The following ACTL8 variants were observed in gnomAD, a reference collection of about 807,000 sequenced individuals.
ACTL8 encodes the protein actin like 8, also known as actin-like protein 8.
Under a neutral mutation model 9.3 loss-of-function variants are expected in ACTL8, and 3 were observed. The observed-to-expected ratio is 0.32, with a 90% CI of 0.15 to 0.83. ACTL8 has a LOEUF of 0.83. Ranked by LOEUF, ACTL8 falls within the 40% of genes least tolerant of loss-of-function variation. The pLI, the probability that ACTL8 is intolerant of heterozygous loss-of-function variation, is 0.57. For synonymous variants in ACTL8, 224 were observed against 205.9 expected, an observed-to-expected ratio of 1.09 and a Z score of -0.75; for missense variants, 381 against 492.2, an observed-to-expected ratio of 0.77 and a Z score of 2.14.
intron 1 of ACTL8, among the ~76,000 whole-genome samples, chr1:17,759,080 GT>G (rs1478552538): frequency 6.6e-6 from 1 of 152,230 alleles, no homozygotes; most frequent in African/African-American, 2.4e-5. Context: ...ACGCAGTTGT[GT>G]TGTTGTACAG....
At chr1:17,821,616 T>A (rs537192496) in intron 1 of ACTL8, among the ~76,000 whole-genome samples, 1 of 145,260 alleles carries the variant, frequency 6.9e-6, no homozygotes, top group East Asian at 2.2e-4. Context: ...CATGGATCTA[T>A]GTTTGTGACT....
chr1:17,826,645 G>A lies in ACTL8; in HGVS notation c.*126G>A. 2 of 972,584 alleles carry A rather than the reference G, an allele frequency of 2.1e-6. No individual in the cohort carries two copies. Among genetic ancestry groups the A allele is most frequent in the Non-Finnish European group, 2.9e-6 (2 of 691,178 alleles). 60.2% of individuals were successfully genotyped at this position (972,584 alleles called of 1,614,324 possible). ...GGTGAGCTGGCTTTGGAATTCTAGG[G>A]GCATGAGGGTATTTTTTAGGTTCTA... On this transcript the variant is annotated 3_prime_UTR_variant, in exon 3 of 3. Transcript: ENST00000375406. The surrounding 1 kb of genome is among the most constrained non-coding windows in gnomAD (Gnocchi z 4.5).
intron 1 of ACTL8, among the ~76,000 whole-genome samples, chr1:17,788,075 A>G (rs1163492697): frequency 6.6e-6 from 1 of 152,030 alleles, no homozygotes; most frequent in Non-Finnish European, 1.5e-5. Flanking sequence ...TCCTTTGCTC[A>G]TTTCCCCGTT....
At chr1:17,778,632 T>G (rs1391189369) in intron 1 of ACTL8, among the ~76,000 whole-genome samples, 1 of 152,096 alleles carries the variant, frequency 6.6e-6, no homozygotes, top group Non-Finnish European at 1.5e-5. Flanking sequence ...GTACCTTGGA[T>G]TTGCTGTGTG....
rs2065959779 is a variant in ACTL8, at chr1:17,755,360, G to C, written c.-169G>C. 2 of 152,230 alleles carry C rather than the reference G, an allele frequency of 1.3e-5. No homozygotes were observed. The highest frequency in any genetic ancestry group is 4.1e-4 in the South Asian group (2 of 4,830). The allele number at this position is 152,230 out of a possible 1,614,324, so 9.4% of individuals were successfully genotyped here. On this transcript the variant is annotated 5_prime_UTR_variant, in exon 1 of 3. Coordinates refer to ENST00000375406, the MANE Select transcript of ACTL8 (RefSeq NM_030812.3). ...AGAGTAGGCTGCGGCACCACGTGCA[G>C]CCGCTCTCGTGCAGGCGTTTGCAGT...
rs1033496412 is a variant in ACTL8, at chr1:17,798,977, A to G, written c.-24-24008A>G. ...CTCTGTCTGCACTGCTGTGAAGTCCACTCACGAGCGAGCTCTCCACGGATG... is the reference window on the plus strand; with the variant it reads ...CTCTGTCTGCACTGCTGTGAAGTCCGCTCACGAGCGAGCTCTCCACGGATG... On this transcript the variant is annotated intron_variant, in intron 1 of 2. Transcript: ENST00000375406. Among the ~76,000 whole-genome samples, 16 of 152,094 alleles carry G rather than the reference A, an allele frequency of 1.1e-4. 1 individual carries two copies. In the Middle Eastern group the frequency reaches 0.01, roughly 97 times the overall value.
chr1:17,798,724 A>G (rs1179602300), intron 1 of ACTL8, among the ~76,000 whole-genome samples: 1 of 152,150 alleles, frequency 6.6e-6, no homozygotes, highest in East Asian at 1.9e-4. Context: ...TCATTCTACC[A>G]TTTGTCTGGC....
intron 1 of ACTL8, among the ~76,000 whole-genome samples, chr1:17,810,248 G>A (rs973692031): frequency 7.2e-5 from 11 of 152,126 alleles, no homozygotes; most frequent in Admixed American, 3.3e-4. Flanking sequence ...AGTTCAATAC[G>A]TTCTCCAATA....
chr1:17,790,780 C>A (rs561071011), intron 1 of ACTL8, among the ~76,000 whole-genome samples: 2 of 152,214 alleles, frequency 1.3e-5, no homozygotes, highest in African/African-American at 4.8e-5. Flanking sequence ...CAAGGGGCAC[C>A]TGCAGGCCAG....
rs755110447 is a variant in ACTL8, at chr1:17,826,488, G to C, written c.1070G>C (p.Arg357Pro). The C allele has an allele frequency of 3.8e-6, 6 of 1,599,992 alleles. No individual in the cohort carries two copies. The highest frequency in any genetic ancestry group is 5.1e-6 in the Non-Finnish European group (6 of 1,171,480). ...LSTYQSEWMS[R>P]EEYGEHMRM is the part of the protein sequence containing the mutation. ...ACCTACCAGTCTGAGTGGATGTCCC[G>C]AGAGGAGTATGGTGAGCATATGAGG... Residue 357 changes from arginine to proline, a missense_variant, in exon 3 of 3, where the codon CGA becomes CCA. By Grantham distance (103) the Arg-to-Pro change is moderately radical. Coordinates refer to ENST00000375406, the MANE Select transcript of ACTL8 (RefSeq NM_030812.3). This position sits in a 1 kb window ranked among gnomAD's most constrained non-coding sequence, Gnocchi z 4.5.
At chr1:17,825,395 C>G (rs1232834180) in intron 2 of ACTL8, among the ~76,000 whole-genome samples, 3 of 152,032 alleles carry the variant, frequency 2.0e-5, no homozygotes, top group Non-Finnish European at 4.4e-5. Context: ...ATACGCAACA[C>G]TTGTTTCTTT....
At chr1:17,796,765 G>T (rs1380463080) in intron 1 of ACTL8, among the ~76,000 whole-genome samples, 1 of 152,230 alleles carries the variant, frequency 6.6e-6, no homozygotes, top group Non-Finnish European at 1.5e-5. Flanking sequence ...ACCTCTTCAA[G>T]CTTCTTCAGC....
intron 1 of ACTL8, among the ~76,000 whole-genome samples, chr1:17,819,209 T>C (rs2053625038): frequency 6.6e-6 from 1 of 152,214 alleles, no homozygotes; most frequent in African/African-American, 2.4e-5. Context: ...GAGAAGCATT[T>C]ATCAGTCACC....
intron 1 of ACTL8, among the ~76,000 whole-genome samples, chr1:17,786,159 T>C (rs776870080): frequency 2.0e-5 from 3 of 152,208 alleles, no homozygotes; most frequent in Non-Finnish European, 2.9e-5. Context: ...TTCTTCAAGG[T>C]GGACAGGGTG....
chr1:17,776,611 C>T (rs2066119905), intron 1 of ACTL8, among the ~76,000 whole-genome samples: 2 of 152,296 alleles, frequency 1.3e-5, no homozygotes, highest in Admixed American at 1.3e-4. Context: ...CCATATGTTC[C>T]TAATGGCCTC....
intron 2 of ACTL8, among the ~76,000 whole-genome samples, chr1:17,824,409 G>A (rs1315170081): frequency 6.6e-6 from 1 of 152,182 alleles, no homozygotes; most frequent in Non-Finnish European, 1.5e-5. Context: ...TTCCAAACAT[G>A]AAGACAAAAC....
Position 17,826,048 on chromosome 1 carries a change from C to G in ACTL8, c.630C>G (p.Asn210Lys), listed in dbSNP as rs765268296. 2 of 1,606,642 alleles carry G rather than the reference C, an allele frequency of 1.2e-6. No individual in the cohort carries two copies. The highest frequency in any genetic ancestry group is 2.7e-5 in the African/African-American group (2 of 74,950). Residue 210 changes from asparagine to lysine, a missense_variant, in exon 3 of 3, where the codon AAC becomes AAG. Coordinates refer to ENST00000375406, the MANE Select transcript of ACTL8 (RefSeq NM_030812.3). This position sits in a 1 kb window ranked among gnomAD's most constrained non-coding sequence, Gnocchi z 4.5. ...QLETVAVTQMNKCYVPQNLGE... is the reference protein window; with the variant it reads ...QLETVAVTQMKKCYVPQNLGE... ...AGACAGTCGCCGTGACTCAGATGAA[C>G]AAGTGCTACGTGCCGCAGAATCTGG...
intron 1 of ACTL8, among the ~76,000 whole-genome samples, chr1:17,806,700 G>A (rs1386714383): frequency 1.3e-5 from 2 of 152,242 alleles, no homozygotes; most frequent in African/African-American, 4.8e-5. Context: ...CATCCACACA[G>A]GGAGCAAGGG....
chr1:17,763,274 T>C (rs1460707132), intron 1 of ACTL8, among the ~76,000 whole-genome samples: 1 of 151,040 alleles, frequency 6.6e-6, no homozygotes, highest in Non-Finnish European at 1.5e-5. Flanking sequence ...GGGGGCTGTG[T>C]TGATGCACCC....
Sources: allele counts gnomAD v4.1 joint callset (sites outside exome capture counted in the v4.1 genomes callset), GRCh38; gene constraint gnomAD v4.1.1; non-coding constraint Gnocchi (gnomAD v3.1); transcripts MANE v1.5; gene names NCBI Gene and HGNC (gene_info 2026-07-23, HGNC 2026-07-21).